Variants in PLEKHG1 observed in about 807,000 individuals in gnomAD.
The protein encoded by PLEKHG1 is pleckstrin homology and RhoGEF domain containing G1, also known as pleckstrin homology domain-containing family G member 1.
PLEKHG1 carries 44 observed loss-of-function variants against 100.8 expected under a neutral mutation model. The ratio of observed to expected loss-of-function variants is 0.44; its 90% CI spans 0.34 to 0.56. The LOEUF (loss-of-function observed/expected upper bound fraction) is 0.56. PLEKHG1 is among the 20% of genes least tolerant of loss of function. The probability of loss-of-function intolerance (pLI) is 0.01; values close to 1 mark genes in which losing one functional copy is unlikely to be tolerated. For missense variants in PLEKHG1, 1,545 were observed against 1,720.9 expected (o/e 0.90, Z 1.81); for synonymous variants, 640 against 662.5 (o/e 0.97, Z 0.52).
intron 10 of PLEKHG1, among the ~76,000 whole-genome samples, chr6:150,816,526 G>A (rs803389): frequency 0.75 from 113,272 of 151,046 alleles, 42,693 homozygotes; most frequent in South Asian, 0.83. Flanking sequence ...CGGTTTCACC[G>A]TGTTGGTCAG....
intron 14 of PLEKHG1, among the ~76,000 whole-genome samples, chr6:150,827,201 T>C (rs910578188): frequency 6.6e-6 from 1 of 151,876 alleles, no homozygotes; most frequent in Non-Finnish European, 1.5e-5. Flanking sequence ...AGATGATTAC[T>C]TCTTAATTTA....
At chr6:150,830,758 G>A (rs761948781) in exon 15 of PLEKHG1, 201 of 1,614,128 alleles carry the variant, frequency 1.2e-4, no homozygotes, top group Admixed American at 1.0e-3. Context: ...GACGGTCCCC[G>A]CAGGAGAATG....
intron 14 of PLEKHG1, among the ~76,000 whole-genome samples, chr6:150,826,998 TC>T (rs766958626): frequency 9.2e-5 from 14 of 151,756 alleles, no homozygotes; most frequent in Non-Finnish European, 1.8e-4. Context: ...TCCCTTTCTT[TC>T]CTTCCTTTCC....
At chr6:150,806,773 T>G (rs1473418519) in intron 7 of PLEKHG1, among the ~76,000 whole-genome samples, 1 of 134,828 alleles carries the variant, frequency 7.4e-6, no homozygotes, top group Non-Finnish European at 1.5e-5. Flanking sequence ...GAGGTTGCAG[T>G]GAGCTGAGAT....
intron 6 of PLEKHG1, among the ~76,000 whole-genome samples, chr6:150,802,126 A>G (rs1365854846): frequency 1.3e-5 from 2 of 152,166 alleles, no homozygotes; most frequent in East Asian, 3.8e-4. Context: ...TGTTTGGTTC[A>G]TATACATTTA....
At chr6:150,603,745 C>G (rs1410761286) in intron 1 of PLEKHG1, among the ~76,000 whole-genome samples, 1 of 104,776 alleles carries the variant, frequency 9.5e-6, no homozygotes, top group Non-Finnish European at 2.3e-5. Context: ...ATTTCCACAT[C>G]TAAACATCCT....
At chr6:150,772,662 C>T (rs1237967479) in intron 3 of PLEKHG1, among the ~76,000 whole-genome samples, 1 of 152,194 alleles carries the variant, frequency 6.6e-6, no homozygotes, top group Admixed American at 6.5e-5. Context: ...ACATGGCATA[C>T]ATGGTGTCAG....
intron 5 of PLEKHG1, among the ~76,000 whole-genome samples, chr6:150,798,127 G>T (rs1786465488): frequency 6.6e-6 from 1 of 152,060 alleles, no homozygotes; most frequent in African/African-American, 2.4e-5. Flanking sequence ...GGCGATTGCA[G>T]GATGCCCCAG....
At chr6:150,769,060 A>T (rs1321991494) in intron 3 of PLEKHG1, among the ~76,000 whole-genome samples, 1 of 152,170 alleles carries the variant, frequency 6.6e-6, no homozygotes, top group East Asian at 1.9e-4. Flanking sequence ...CAGGATCCCC[A>T]GCTACACTGA....
At chr6:150,733,856 G>T (rs1300248838) in exon 2 of PLEKHG1, 1 of 1,614,172 alleles carries the variant, frequency 6.2e-7, no homozygotes, top group Admixed American at 1.7e-5. Flanking sequence ...GCTGATTCCT[G>T]CCAGGCCGTT....
intron 1 of PLEKHG1, among the ~76,000 whole-genome samples, chr6:150,603,098 A>AAAG (rs1776432902): frequency 1.3e-5 from 2 of 150,758 alleles, no homozygotes; most frequent in Non-Finnish European, 3.0e-5. Context: ...AAAAAATAAA[A>AAAG]AAAAAGAAAA....
chr6:150,811,222 T>C (rs565458535), intron 10 of PLEKHG1, among the ~76,000 whole-genome samples: 1 of 150,992 alleles, frequency 6.6e-6, no homozygotes, highest in Non-Finnish European at 1.5e-5. Flanking sequence ...TTGCGTTGAG[T>C]GGAGAGAGGA....
chr6:150,609,591 G>C (rs1282062519), intron 1 of PLEKHG1, among the ~76,000 whole-genome samples: 1 of 152,148 alleles, frequency 6.6e-6, no homozygotes, highest in Non-Finnish European at 1.5e-5. Flanking sequence ...TAACATCAAA[G>C]ACCTTTGCCA....
At chr6:150,687,687 T>G (rs1210512011) in intron 3 of PLEKHG1, among the ~76,000 whole-genome samples, 1 of 152,200 alleles carries the variant, frequency 6.6e-6, no homozygotes, top group Admixed American at 6.5e-5. Context: ...GAAGCAAGTC[T>G]GAGCATAGAA....
chr6:150,717,527 A>G (rs1781490291), upstream of PLEKHG1, among the ~76,000 whole-genome samples: 1 of 152,086 alleles, frequency 6.6e-6, no homozygotes, highest in African/African-American at 2.4e-5. Flanking sequence ...TCTTCCTTCA[A>G]TTAGGCCAGA....
chr6:150,745,682 CAA>C (rs1388779071), intron 2 of PLEKHG1, among the ~76,000 whole-genome samples: 17 of 77,266 alleles, frequency 2.2e-4, no homozygotes, highest in Admixed American at 4.5e-4. Flanking sequence ...GACTCCATCT[CAA>C]AAAAAAAAAA....
rs141146801 is a variant in PLEKHG1 at position 150,696,176 on chromosome 6, T to C, written c.-98-37408T>C. Among the ~76,000 whole-genome samples, 65 of 152,268 alleles carry C rather than the reference T, an allele frequency of 4.3e-4. 1 individual carries two copies. In the East Asian group the frequency reaches 0.011, roughly 27 times the overall value. ...TTCCCTCTGTCAATAGTTCTTAAAG[T>C]CCACATATCCTTTAAATGATTTATT... On this transcript the variant is annotated intron_variant, in intron 3 of 3. Coordinates refer to the PLEKHG1 transcript ENST00000367326.
intron 4 of PLEKHG1, among the ~76,000 whole-genome samples, chr6:150,789,950 A>G (rs1327934244): frequency 6.6e-6 from 1 of 152,174 alleles, no homozygotes; most frequent in African/African-American, 2.4e-5. Flanking sequence ...GGGGATGGTC[A>G]TTGCCATGTG....
intron 1 of PLEKHG1, chr6:150,624,531 G>A (rs1470949427): frequency 1.3e-5 from 2 of 152,214 alleles, no homozygotes; most frequent in Admixed American, 6.5e-5. Context: ...GTACAGTAGG[G>A]TGATGATTAT....
Sources: gnomAD v4.1 joint callset for allele counts (sites outside exome capture counted in the v4.1 genomes callset) on GRCh38, gnomAD v4.1.1 for gene constraint, MANE v1.5 for transcripts, NCBI Gene and HGNC (gene_info 2026-07-23, HGNC 2026-07-21) for gene names.